CDK19: variants seen among roughly 807,000 people sequenced by gnomAD.
CDK19 encodes cyclin dependent kinase 19, also known as cyclin-dependent kinase 19.
Under a neutral mutation model 68.3 loss-of-function variants are expected in CDK19, and 20 were observed. The observed-to-expected ratio is 0.29, with a 90% confidence interval of 0.21 to 0.43. CDK19 has a LOEUF of 0.43. Ranked by LOEUF, CDK19 falls within the 20% of genes least tolerant of loss-of-function variation. The pLI, the probability that CDK19 is intolerant of heterozygous loss-of-function variation, is 1.00. For missense variants in CDK19, 339 were observed against 623.5 expected (o/e 0.54, Z 4.86); for synonymous variants, 221 against 222.8 (o/e 0.99, Z 0.07).
chr6:110,733,569 T>C (rs911685942), intron 2 of CDK19, among the ~76,000 whole-genome samples: 1 of 152,196 alleles, frequency 6.6e-6, no homozygotes, highest in African/African-American at 2.4e-5. Context: ...CTTCCATCAG[T>C]ACCAGTTACT....
chr6:110,647,561 A>C (rs550331030), intron 4 of CDK19, among the ~76,000 whole-genome samples: 3 of 152,314 alleles, frequency 2.0e-5, no homozygotes, highest in South Asian at 4.1e-4. Context: ...TAATTTGAAA[A>C]TGTAAAGTCA....
chr6:110,800,222 T>C (rs1472010080), intron 1 of CDK19, among the ~76,000 whole-genome samples: 1 of 152,160 alleles, frequency 6.6e-6, no homozygotes, highest in East Asian at 1.9e-4. Flanking sequence ...ACATTCATGT[T>C]AGAAAGACAC....
chr6:110,779,727 G>A (rs754207794), intron 1 of CDK19, among the ~76,000 whole-genome samples: 1 of 152,018 alleles, frequency 6.6e-6, no homozygotes, highest in Non-Finnish European at 1.5e-5. Flanking sequence ...GCCAGCCTGG[G>A]CAAAACAGTA....
intron 2 of CDK19, among the ~76,000 whole-genome samples, chr6:110,716,577 AAAT>A (rs1280731499): frequency 1.3e-5 from 2 of 152,176 alleles, no homozygotes; most frequent in Non-Finnish European, 2.9e-5. Context: ...TAGAAGTATT[AAAT>A]AATCTTTCTA....
chr6:110,750,394 G>T (rs556970698), intron 1 of CDK19, among the ~76,000 whole-genome samples: 1 of 152,236 alleles, frequency 6.6e-6, no homozygotes, highest in South Asian at 2.1e-4. Context: ...TCATGACAGA[G>T]GGGTAATAAG....
chr6:110,796,407 C>A (rs1054471440), intron 1 of CDK19, among the ~76,000 whole-genome samples: 3 of 151,940 alleles, frequency 2.0e-5, no homozygotes, highest in Admixed American at 1.3e-4. Context: ...AATCCTAGCA[C>A]TTTGGGAGGC....
At chr6:110,662,142 G>A (rs1447951800) in intron 4 of CDK19, among the ~76,000 whole-genome samples, 2 of 151,994 alleles carry the variant, frequency 1.3e-5, no homozygotes, top group African/African-American at 4.8e-5. Flanking sequence ...GCTAATTTTT[G>A]TATTTTTAGT....
In CDK19 at chr6:110,621,245, A is replaced by C; in HGVS notation, c.1236T>G (p.Ala412=). The C allele has an allele frequency of 6.2e-7, 1 of 1,613,068 alleles. No homozygotes were observed. Among genetic ancestry groups the C allele is most frequent in the Non-Finnish European group, 8.5e-7 (1 of 1,179,912 alleles). The part of the protein sequence containing the change: ...STQTNGTAGG[A]GAGVGGTGAG... ...CTCCGGTGCCCCCGACCCCGGCCCCAGCCCCACCTGCGGTCCCGTTGGTCT... is the reference window on the plus strand; with the variant it reads ...CTCCGGTGCCCCCGACCCCGGCCCCCGCCCCACCTGCGGTCCCGTTGGTCT... The change falls in exon 12 of 13, where the codon GCT becomes GCG. Residue 412 remains alanine (A), a synonymous_variant. Coordinates refer to ENST00000368911, the MANE Select transcript of CDK19 (RefSeq NM_015076.5). The surrounding 1 kb of genome is among the most constrained non-coding windows in gnomAD (Gnocchi z 5.4).
At chr6:110,777,835 G>A (rs1033354005) in intron 1 of CDK19, among the ~76,000 whole-genome samples, 1 of 152,236 alleles carries the variant, frequency 6.6e-6, no homozygotes, top group Non-Finnish European at 1.5e-5. Context: ...TCTGACACAT[G>A]CTACAACAAG....
intron 1 of CDK19, among the ~76,000 whole-genome samples, chr6:110,751,067 C>G (rs1207238735): frequency 1.3e-5 from 2 of 152,134 alleles, no homozygotes; most frequent in Non-Finnish European, 2.9e-5. Context: ...CTCCTGGCCT[C>G]AAGCGATCCA....
At chr6:110,668,753 AC>A (rs1770738837) in intron 3 of CDK19, among the ~76,000 whole-genome samples, 1 of 151,490 alleles carries the variant, frequency 6.6e-6, no homozygotes, top group South Asian at 2.1e-4. Context: ...AATCACTTGA[AC>A]CCAGAAGGCG....
chr6:110,652,101 C>A (rs531495963), intron 4 of CDK19, among the ~76,000 whole-genome samples: 10 of 151,018 alleles, frequency 6.6e-5, no homozygotes, highest in African/African-American at 1.9e-4. Flanking sequence ...ACAACAACAA[C>A]AAAAACAAAG....
intron 8 of CDK19, among the ~76,000 whole-genome samples, chr6:110,623,767 C>CAT (rs1426530273): frequency 9.1e-5 from 8 of 88,114 alleles, no homozygotes; most frequent in Admixed American, 5.2e-4. Flanking sequence ...TATATATACA[C>CAT]ATATATATAC....
rs1781930096 is a variant in CDK19, at chr6:110,666,318, T to C, written c.456+1116A>G. Reference sequence around the variant, plus strand: ...GTGGGTGCCTGTAATCCCAGTTAATTGGGAGACTGAGGCAGAGAATTGCTT... The same window carrying C: ...GTGGGTGCCTGTAATCCCAGTTAATCGGGAGACTGAGGCAGAGAATTGCTT... On this transcript the variant is annotated intron_variant, in intron 4 of 12. Transcript: ENST00000368911. 2.1e-5 allele frequency among the ~76,000 whole-genome samples: 3 copies of C among 144,326 alleles called. No individual in the cohort carries two copies. In the Admixed American group the frequency reaches 2.2e-4, roughly 10 times the overall value. The allele number at this position is 144,326 out of a possible 152,430, so 94.7% of individuals were successfully genotyped here. A position where few individuals can be genotyped will look rare whatever the true frequency, so the allele number is the denominator to read the frequency against.
chr6:110,702,099 C>T (rs1342772010), intron 2 of CDK19, among the ~76,000 whole-genome samples: 6 of 151,726 alleles, frequency 4.0e-5, no homozygotes, highest in Non-Finnish European at 5.9e-5. Context: ...CGAGATTGTT[C>T]TACTATACTC....
intron 1 of CDK19, among the ~76,000 whole-genome samples, chr6:110,807,981 T>C (rs1782796338): frequency 6.6e-6 from 1 of 152,160 alleles, no homozygotes; most frequent in African/African-American, 2.4e-5. Flanking sequence ...ATTCCATTCA[T>C]AAATTGATAG....
chr6:110,756,119 G>A (rs947700943), intron 1 of CDK19, among the ~76,000 whole-genome samples: 1 of 151,958 alleles, frequency 6.6e-6, no homozygotes, highest in African/African-American at 2.4e-5. Flanking sequence ...TTAGCTAGGC[G>A]TGGCACACAC....
At chr6:110,757,228 C>A (rs189058658) in intron 1 of CDK19, among the ~76,000 whole-genome samples, 35 of 152,288 alleles carry the variant, frequency 2.3e-4, no homozygotes, top group Middle Eastern at 6.8e-3. Context: ...CCATTCACAG[C>A]ACCCATGCCA....
intron 2 of CDK19, among the ~76,000 whole-genome samples, chr6:110,715,110 T>C (rs1775272356): frequency 6.6e-6 from 1 of 152,164 alleles, no homozygotes; most frequent in Non-Finnish European, 1.5e-5. Context: ...TTAAATCTAT[T>C]AGGCAATCAC....
Sources: allele counts gnomAD v4.1 joint callset (sites outside exome capture counted in the v4.1 genomes callset), GRCh38; gene constraint gnomAD v4.1.1; non-coding constraint Gnocchi (gnomAD v3.1); transcripts MANE v1.5; gene names NCBI Gene and HGNC (gene_info 2026-07-23, HGNC 2026-07-21).